IMMT: variants seen among roughly 807,000 people sequenced by gnomAD.
IMMT encodes MICOS complex subunit MIC60.
IMMT carries 40 observed loss-of-function variants against 92.7 expected under a neutral mutation model. The observed-to-expected ratio is 0.43, with a 90% CI of 0.34 to 0.56. The LOEUF is 0.56. Ranked by LOEUF, IMMT falls within the 20% of genes least tolerant of loss-of-function variation. IMMT has a pLI of 0.03. For synonymous variants in IMMT, 322 were observed against 336.1 expected (o/e 0.96, Z 0.46); for missense variants, 831 against 912.1 (o/e 0.91, Z 1.14).
intron 8 of IMMT, among the ~76,000 whole-genome samples, chr2:86,161,676 G>A (rs1676288799): frequency 6.6e-6 from 1 of 151,404 alleles, no homozygotes; most frequent in South Asian, 2.1e-4. Flanking sequence ...ACCACGCCCA[G>A]CTAATTTTTT....
rs61731709 is a variant in IMMT at position 86,151,395 on chromosome 2, C to T, written c.1303G>A (p.Glu435Lys). 3.7e-3 allele frequency: 5,941 copies of T among 1,614,012 alleles called. 17 individuals are homozygous for T. Among genetic ancestry groups the T allele is most frequent in the Non-Finnish European group, 4.3e-3 (5,088 of 1,179,896 alleles). ...TEKQHITLAL[E>K]KQKLEEKRAF... ...CGCTTTTCTTCCAGCTTTTGTTTCT[C>T]CAAGGCTAACGTGATGTGCTGCTTT... The change falls in exon 12 of 15, where the codon GAG becomes AAG. Residue 435 changes from glutamate (E) to lysine (K), a missense_variant. By Grantham distance (56) the Glu-to-Lys change is moderately conservative. Coordinates refer to ENST00000410111, the MANE Select transcript of IMMT (RefSeq NM_006839.3).
chr2:86,144,912 T>A, intron 14 of IMMT, 31 bp from the exon 15 acceptor site: 1 of 1,554,236 alleles, frequency 6.4e-7, no homozygotes, highest in Non-Finnish European at 8.7e-7. Flanking sequence ...AGCCAAACAT[T>A]TTTCTCTCCA....
chr2:86,176,217 A>ATCCT (rs1677417095), intron 3 of IMMT, among the ~76,000 whole-genome samples: 1 of 152,252 alleles, frequency 6.6e-6, no homozygotes, highest in African/African-American at 2.4e-5. Flanking sequence ...CTTATTCAGA[A>ATCCT]GGTAAGAAAG....
rs997878660 is a variant in IMMT, at chr2:86,153,723, A to G, written c.1163-149T>C. On this transcript the variant is annotated intron_variant, in intron 10 of 14. Transcript: ENST00000410111. ...TTTTAATACTGGAAAATGAAATGAT[A>G]CGGCTATTTTCTAAAATTTAAACTG... is the stretch of plus-strand genomic sequence containing the variant. 9 of 470,188 alleles carry G rather than the reference A, an allele frequency of 1.9e-5. No individual in the cohort carries two copies. The Admixed American group carries it at 2.2e-4, about 11-fold the overall frequency. The allele number at this position is 470,188 out of a possible 1,614,324, so 29.1% of individuals were successfully genotyped here.
chr2:86,168,492 G>T (rs1235889812), intron 6 of IMMT, among the ~76,000 whole-genome samples: 2 of 152,044 alleles, frequency 1.3e-5, no homozygotes, highest in African/African-American at 4.8e-5. Context: ...ACATGGTGGT[G>T]GGTGCCTATA....
rs778253168 is a variant in IMMT, at chr2:86,173,675, C to T, written c.396G>A (p.Lys132=). The change falls in exon 4 of 15, where the codon AAG becomes AAA. Residue 132 remains lysine, a synonymous_variant. Coordinates refer to ENST00000410111, the MANE Select transcript of IMMT (RefSeq NM_006839.3). ...KQPASQLQKQ[K]GDTPASATAP... ...CTGTTGCTGAAGCTGGAGTATCTCC[C>T]TTTTGTTTTTGGAGTTGTGAGGCAG... 1.3e-6 allele frequency: 2 copies of T among 1,597,566 alleles called. No individual in the cohort carries two copies. Among genetic ancestry groups the T allele is most frequent in the East Asian group, 2.2e-5 (1 of 44,714 alleles).
At chr2:86,194,673 A>T (rs1442471141) in intron 1 of IMMT, among the ~76,000 whole-genome samples, 1 of 152,152 alleles carries the variant, frequency 6.6e-6, no homozygotes, top group Non-Finnish European at 1.5e-5. Context: ...AGGCTCCTTG[A>T]ATGTCAAAGT....
intron 4 of IMMT, 184 bp downstream of exon 4, chr2:86,173,466 G>C: frequency 4.0e-6 from 2 of 497,030 alleles, no homozygotes; most frequent in Non-Finnish European, 7.2e-6. Context: ...TGTAATCCCA[G>C]CTACTCAGGA....
intron 1 of IMMT, among the ~76,000 whole-genome samples, chr2:86,187,789 G>A (rs1672870223): frequency 6.6e-6 from 1 of 151,906 alleles, no homozygotes; most frequent in Non-Finnish European, 1.5e-5. Flanking sequence ...GCGCATGCCT[G>A]TAATCCCAGC....
chr2:86,164,689 C>CAAAAAAA (rs56964046), intron 7 of IMMT, among the ~76,000 whole-genome samples: 1,135 of 111,332 alleles, frequency 0.01, 130 homozygotes, highest in East Asian at 0.09. Context: ...GACTCTGTCT[C>CAAAAAAA]AAAAAAAAAA....
At chr2:86,153,913 A>AGT (rs1446779398) in intron 10 of IMMT, among the ~76,000 whole-genome samples, 1 of 152,164 alleles carries the variant, frequency 6.6e-6, no homozygotes, top group African/African-American at 2.4e-5. Flanking sequence ...CCTAGCCTGG[A>AGT]GTGCAGTGGT....
intron 8 of IMMT, among the ~76,000 whole-genome samples, chr2:86,161,097 T>TA (rs11438083): frequency 0.49 from 68,752 of 140,718 alleles, 17,200 homozygotes; most frequent in East Asian, 0.84. Context: ...GACCATGAAT[T>TA]AAAAAAAAAA....
chr2:86,181,282 G>A lies in IMMT; in HGVS notation c.119+17C>T, dbSNP rs1243461269. 2 of 1,596,606 alleles carry A rather than the reference G, an allele frequency of 1.3e-6. No individual in the cohort carries two copies. Among genetic ancestry groups the A allele is most frequent in the Non-Finnish European group, 1.7e-6 (2 of 1,164,244 alleles). ...CACACAGTGAAAAGCCTGGTTATAG[G>A]GAGACATAATACATACCCAGAGCTG... On this transcript the variant is annotated intron_variant, in intron 2 of 14. Transcript: ENST00000410111.
At position 86,180,218 on chromosome 2, in the gene IMMT, A is replaced by C. The variant is rs1261722176; in HGVS notation, c.120-596T>G. On this transcript the variant is annotated intron_variant, in intron 2 of 14. Transcript: ENST00000410111. ...AACCCAAACAAGAACTATCACTTTC[A>C]AGGCTCCTCTTCCTCAATCAAACAT... 2.0e-5 allele frequency among the ~76,000 whole-genome samples: 3 copies of C among 152,190 alleles called. No individual in the cohort carries two copies. The East Asian group carries it at 5.8e-4, about 29-fold the overall frequency.
intron 1 of IMMT, 68 bp downstream of exon 1, chr2:86,195,270 C>A: frequency 1.4e-6 from 2 of 1,437,804 alleles, no homozygotes; most frequent in South Asian, 1.4e-5. Context: ...GCGACCAAGG[C>A]TCCCCCGTTT....
At chr2:86,170,602 A>G (rs1442817271) in intron 6 of IMMT, 147 bp downstream of exon 6, 2 of 584,326 alleles carry the variant, frequency 3.4e-6, no homozygotes. Flanking sequence ...AATGAAGGTG[A>G]TGAATAAAGC....
intron 1 of IMMT, among the ~76,000 whole-genome samples, chr2:86,190,380 C>T (rs774499229): frequency 7.2e-5 from 11 of 152,168 alleles, no homozygotes; most frequent in Admixed American, 1.3e-4. Context: ...GGTTGATCCT[C>T]AAGAATAATA....
In IMMT at chr2:86,144,250, T is replaced by G; in HGVS notation, c.*18A>C. 6.2e-7 allele frequency: 1 copy of G among 1,611,080 alleles called. No individual in the cohort carries two copies. On this transcript the variant is annotated 3_prime_UTR_variant, in exon 15 of 15. Transcript: ENST00000410111. Reference sequence around the variant, plus strand: ...TCCTTTGACATGAAATATGACTTTATGAAAATCTTCCTAAACCTCACTCTG... The same window carrying G: ...TCCTTTGACATGAAATATGACTTTAGGAAAATCTTCCTAAACCTCACTCTG...
rs1677685733 is a variant in IMMT at position 86,179,542 on chromosome 2, C to T, written c.200G>A (p.Trp67Ter). The T allele has an allele frequency of 6.2e-7, 1 of 1,613,168 alleles. No homozygotes were observed. Among genetic ancestry groups the T allele is most frequent in the Non-Finnish European group, 8.5e-7 (1 of 1,179,600 alleles). ...TACACTTTCCCGGAAATGGGAATCC[C>T]ATTTGGCATATAGGATAGTGCCACC... ...GIGGTILYAK[W>*]DSHFRESVEK... The change falls in exon 3 of 15, where the codon TGG becomes TAG. Residue 67 changes from tryptophan (W) to a stop codon, truncating the protein, a stop_gained. Coordinates refer to ENST00000410111, the MANE Select transcript of IMMT (RefSeq NM_006839.3). LOFTEE classifies it high-confidence loss of function.
Sources: allele counts gnomAD v4.1 joint callset (sites outside exome capture counted in the v4.1 genomes callset), GRCh38; gene constraint gnomAD v4.1.1; transcripts MANE v1.5; gene names NCBI Gene and HGNC (gene_info 2026-07-23, HGNC 2026-07-21).